Variants in DLG2 observed in about 807,000 individuals in gnomAD.
DLG2 encodes the protein disks large homolog 2.
DLG2 carries 45 observed loss-of-function variants against 132.5 expected under a neutral mutation model. The observed-to-expected ratio is 0.34, with a 90% CI of 0.27 to 0.44. The LOEUF (loss-of-function observed/expected upper bound fraction) is 0.44, where lower values mean the gene tolerates loss of function less well. Ranked by LOEUF, DLG2 falls within the 20% of genes least tolerant of loss-of-function variation. The pLI is 1.00. For synonymous variants in DLG2, 424 were observed against 419.6 expected, an observed-to-expected ratio of 1.01 and a Z score of -0.13; for missense variants, 1,045 against 1,196.9, an observed-to-expected ratio of 0.87 and a Z score of 1.87.
At chr11:83,698,352 T>C (rs144174731) in intron 18 of DLG2, among the ~76,000 whole-genome samples, 99 of 152,330 alleles carry the variant, frequency 6.5e-4, no homozygotes, top group Non-Finnish European at 1.4e-3. Flanking sequence ...CATATAATTA[T>C]AATGTGCAGA....
chr11:83,829,694 A>C (rs1047000171), intron 17 of DLG2, among the ~76,000 whole-genome samples: 2 of 152,086 alleles, frequency 1.3e-5, no homozygotes, highest in African/African-American at 4.8e-5. Context: ...ATGTTAAGCA[A>C]TTAAATTCCA....
intron 7 of DLG2, among the ~76,000 whole-genome samples, chr11:84,379,959 A>G (rs1028449337): frequency 1.3e-5 from 2 of 152,112 alleles, no homozygotes; most frequent in African/African-American, 4.8e-5. Flanking sequence ...CCAAAAGGAA[A>G]GGTAGATTAC....
chr11:84,737,921 T>C lies in DLG2; in HGVS notation c.358-203190A>G, dbSNP rs150529784. On this transcript the variant is annotated intron_variant, in intron 6 of 27. Coordinates refer to ENST00000376104, the MANE Select transcript of DLG2 (RefSeq NM_001142699.3). ...TGAAATATGATATACTAAAAAGTAATATAGTGTTTGTGTATACGTGTGGGA... is the reference window on the plus strand; with the variant it reads ...TGAAATATGATATACTAAAAAGTAACATAGTGTTTGTGTATACGTGTGGGA... Among the ~76,000 whole-genome samples, 591 of 152,148 alleles carry C rather than the reference T, an allele frequency of 3.9e-3. 2 individuals are homozygous for C. The highest frequency in any genetic ancestry group is 7.0e-3 in the Non-Finnish European group (476 of 67,904).
At chr11:84,623,279 A>G (rs953175021) in intron 6 of DLG2, among the ~76,000 whole-genome samples, 1 of 152,094 alleles carries the variant, frequency 6.6e-6, no homozygotes, top group African/African-American at 2.4e-5. Context: ...TTTTTTCAAG[A>G]GGGAAACGGC....
chr11:84,542,783 C>T (rs1478001356), intron 6 of DLG2, among the ~76,000 whole-genome samples: 1 of 151,980 alleles, frequency 6.6e-6, no homozygotes, highest in Non-Finnish European at 1.5e-5. Context: ...CACGTGAAAA[C>T]AAAAAATTTC....
At chr11:83,706,934 T>C (rs2153655030) in intron 18 of DLG2, among the ~76,000 whole-genome samples, 1 of 152,300 alleles carries the variant, frequency 6.6e-6, no homozygotes, top group Admixed American at 6.5e-5. Flanking sequence ...TTCTAACCCA[T>C]ATGGGGTCAT....
chr11:83,884,821 G>A (rs932339110), intron 15 of DLG2, among the ~76,000 whole-genome samples: 3 of 152,164 alleles, frequency 2.0e-5, no homozygotes, highest in African/African-American at 7.2e-5. Flanking sequence ...ACCGCTGCTG[G>A]TACCCAGGCA....
At chr11:85,140,034 G>A (rs1453268952) in intron 5 of DLG2, among the ~76,000 whole-genome samples, 1 of 151,938 alleles carries the variant, frequency 6.6e-6, no homozygotes, top group East Asian at 1.9e-4. Flanking sequence ...TCCATATTAT[G>A]TGTGTACCAC....
chr11:85,544,897 G>A (rs1369303569), intron 3 of DLG2, among the ~76,000 whole-genome samples: 2 of 152,156 alleles, frequency 1.3e-5, no homozygotes, highest in African/African-American at 4.8e-5. Flanking sequence ...GGGGTGAGAT[G>A]ATGGGGTTTT....
intron 16 of DLG2, among the ~76,000 whole-genome samples, chr11:83,835,003 C>T (rs749821312): frequency 6.6e-6 from 1 of 152,140 alleles, no homozygotes; most frequent in African/African-American, 2.4e-5. Context: ...TTGTTACTTG[C>T]TATCACATTT....
At chr11:85,624,269 A>G (rs2081920008) in intron 2 of DLG2, among the ~76,000 whole-genome samples, 1 of 152,236 alleles carries the variant, frequency 6.6e-6, no homozygotes, top group African/African-American at 2.4e-5. Flanking sequence ...GTGAGATGTC[A>G]CACCCATTCC....
Position 83,672,001 on chromosome 11 carries a change from A to G in DLG2, c.1826-38676T>C, listed in dbSNP as rs543337613. 4.6e-5 allele frequency among the ~76,000 whole-genome samples: 7 copies of G among 152,332 alleles called. No homozygotes were observed. The South Asian group carries it at 1.2e-3, about 27-fold the overall frequency. On this transcript the variant is annotated intron_variant, in intron 18 of 27. Coordinates refer to ENST00000376104, the MANE Select transcript of DLG2 (RefSeq NM_001142699.3). ...TTCTTTGCCAATTATTTATTGAAGA[A>G]GCCTGAGTTTTAAAGAATGAATGGA...
At chr11:84,556,023 A>G (rs1362150783) in intron 6 of DLG2, among the ~76,000 whole-genome samples, 1 of 152,158 alleles carries the variant, frequency 6.6e-6, no homozygotes, top group Non-Finnish European at 1.5e-5. Context: ...AGGGGCCACA[A>G]ACTCCAAGTT....
At chr11:84,036,628 A>T (rs1566145966) in intron 11 of DLG2, among the ~76,000 whole-genome samples, 2 of 152,138 alleles carry the variant, frequency 1.3e-5, no homozygotes, top group Non-Finnish European at 2.9e-5. Flanking sequence ...GAAAGCCCAG[A>T]TAATTTTTAT....
chr11:83,829,057 T>C (rs1228877862), intron 17 of DLG2, among the ~76,000 whole-genome samples: 1 of 152,180 alleles, frequency 6.6e-6, no homozygotes. Flanking sequence ...TGAAGAACAA[T>C]TGAGACCAAA....
At chr11:84,665,111 A>G (rs764175779) in intron 6 of DLG2, among the ~76,000 whole-genome samples, 32 of 152,292 alleles carry the variant, frequency 2.1e-4, no homozygotes, top group Non-Finnish European at 4.0e-4. Flanking sequence ...GAGACAAGCT[A>G]TAGTGGTAAC....
chr11:84,708,547 C>G (rs1281875909), intron 6 of DLG2, among the ~76,000 whole-genome samples: 1 of 150,794 alleles, frequency 6.6e-6, no homozygotes, highest in Non-Finnish European at 1.5e-5. Flanking sequence ...TTTTTTTTTT[C>G]TTTGCAAACT....
At chr11:84,834,802 A>G (rs28510957) in intron 6 of DLG2, among the ~76,000 whole-genome samples, 15,219 of 150,870 alleles carry the variant, frequency 0.1, 1,032 homozygotes, top group South Asian at 0.13. Flanking sequence ...TCTCAGAAAA[A>G]AAAAAAAATC....
intron 4 of DLG2, among the ~76,000 whole-genome samples, chr11:85,243,358 T>C (rs1450281599): frequency 3.9e-5 from 6 of 152,038 alleles, no homozygotes; most frequent in South Asian, 2.1e-4. Flanking sequence ...TTCTATTTCA[T>C]TCAATTTTAC....
Sources: allele counts gnomAD v4.1 joint callset (sites outside exome capture counted in the v4.1 genomes callset), GRCh38; gene constraint gnomAD v4.1.1; transcripts MANE v1.5; gene names NCBI Gene and HGNC (gene_info 2026-07-23, HGNC 2026-07-21).